The following CEP250 variants were observed in gnomAD, a reference collection of about 807,000 sequenced individuals.
The protein encoded by CEP250 is centrosomal protein 250.
A neutral mutation model predicts 315.7 loss-of-function variants in CEP250; 242 were observed. That is an observed-to-expected ratio of 0.77 (90% CI 0.69 to 0.85). The LOEUF is 0.85. Among genes scored for constraint, CEP250 ranks in the 40% least tolerant of loss-of-function variants. The probability of loss-of-function intolerance (pLI) is 0.00; values close to 1 mark genes in which losing one functional copy is unlikely to be tolerated. For synonymous variants in CEP250, 1,088 were observed against 1,175.0 expected, an observed-to-expected ratio of 0.93 and a Z score of 1.51; for missense variants, 2,515 against 2,886.4, an observed-to-expected ratio of 0.87 and a Z score of 2.95.
At chr20:35,458,916 C>G (rs971079339) in intron 2 of CEP250, among the ~76,000 whole-genome samples, 4 of 149,258 alleles carry the variant, frequency 2.7e-5, no homozygotes, top group Non-Finnish European at 4.4e-5. Context: ...TCCTGTATAC[C>G]TTGCACCCAG....
intron 15 of CEP250, 99 bp from the exon 16 acceptor site, chr20:35,476,350 G>A (rs535966946): frequency 8.8e-7 from 1 of 1,137,770 alleles, no homozygotes; most frequent in South Asian, 1.4e-5. Context: ...AGTATTAACT[G>A]ATCTCTGTAC....
intron 30 of CEP250, among the ~76,000 whole-genome samples, chr20:35,505,237 C>T (rs7267050): frequency 0.022 from 3,398 of 152,260 alleles, 142 homozygotes; most frequent in African/African-American, 0.077. Context: ...GGGTAAACAA[C>T]GATAATGCAG....
chr20:35,474,073 C>T (rs1338848552), intron 14 of CEP250, 21 bp downstream of exon 14: 1 of 1,493,324 alleles, frequency 6.7e-7, no homozygotes, highest in African/African-American at 1.4e-5. Flanking sequence ...CTAGTCTCCT[C>T]CTCGCTGGGC....
rs914604278 is a variant in CEP250, at chr20:35,511,916, C to T, written c.*290C>T. The T allele has an allele frequency of 1.7e-5, 20 of 1,203,268 alleles. No individual in the cohort carries two copies. Among genetic ancestry groups the T allele is most frequent in the Middle Eastern group, 3.2e-4 (1 of 3,086 alleles). The allele number at this position is 1,203,268 out of a possible 1,614,324, so 74.5% of individuals were successfully genotyped here. On this transcript the variant is annotated 3_prime_UTR_variant, in exon 35 of 35. Transcript: ENST00000397527. ...TCTCATCTAGAATTTATTTTCCTAG[C>T]ACTTCACCACCTCCTTCATCTTCTC... is the stretch of plus-strand genomic sequence containing the variant.
chr20:35,480,840 A>G (rs2063327180), intron 20 of CEP250, among the ~76,000 whole-genome samples: 1 of 151,978 alleles, frequency 6.6e-6, no homozygotes, highest in African/African-American at 2.4e-5. Context: ...CACCTGCCTC[A>G]GCCTCCTAAA....
intron 20 of CEP250, among the ~76,000 whole-genome samples, chr20:35,484,110 C>T (rs2063436007): frequency 6.6e-6 from 1 of 152,116 alleles, no homozygotes; most frequent in Non-Finnish European, 1.5e-5. Flanking sequence ...GGCTCTTACT[C>T]ATGGGCTTGT....
chr20:35,478,114 A>G lies in CEP250; in HGVS notation c.2094+13A>G. The G allele has an allele frequency of 6.5e-7, 1 of 1,535,978 alleles. No homozygotes were observed. Among genetic ancestry groups the G allele is most frequent in the South Asian group, 1.1e-5 (1 of 88,946 alleles). On this transcript the variant is annotated intron_variant, in intron 17 of 34. Coordinates refer to ENST00000397527, the MANE Select transcript of CEP250 (RefSeq NM_007186.6). ...GAAACTAAGTGAGGTGAGAAGCCAA[A>G]ATGGACACCATCATGTCTAGGTGTA...
rs374878358 is a variant in CEP250 at position 35,467,500 on chromosome 20, G to A, written c.796G>A (p.Glu266Lys). 6.2e-6 allele frequency: 10 copies of A among 1,614,048 alleles called. No individual in the cohort carries two copies. The African/African-American group carries it at 1.3e-4, about 22-fold the overall frequency. ...LEKEAHERSQELIQLKSQGDL... is the reference protein window; with the variant it reads ...LEKEAHERSQKLIQLKSQGDL... ...GAAGGAAGCCCATGAAAGGAGCCAG[G>A]AGTTAATACAGCTGAAGAGTCAAGG... The change falls in exon 9 of 35, where the codon GAG becomes AAG. Residue 266 changes from glutamate to lysine, a missense_variant. By Grantham distance (56) the Glu-to-Lys change is moderately conservative. Coordinates refer to ENST00000397527, the MANE Select transcript of CEP250 (RefSeq NM_007186.6).
intron 20 of CEP250, among the ~76,000 whole-genome samples, chr20:35,486,343 G>A (rs899746003): frequency 6.6e-6 from 1 of 152,006 alleles, no homozygotes; most frequent in Non-Finnish European, 1.5e-5. Flanking sequence ...CTGGGCTTAA[G>A]CAATCCTTCT....
upstream of CEP250, chr20:35,455,437 C>T (rs1020030706): frequency 6.6e-6 from 1 of 152,300 alleles, no homozygotes; most frequent in African/African-American, 2.4e-5. Context: ...TTGCTGCCGC[C>T]AGCACGCTAA....
At chr20:35,501,571 T>A (rs1054398740) in intron 28 of CEP250, among the ~76,000 whole-genome samples, 1 of 152,028 alleles carries the variant, frequency 6.6e-6, no homozygotes, top group African/African-American at 2.4e-5. Flanking sequence ...GGGCCAAGGC[T>A]CTCTGTGATG....
rs1353603951 is a variant in CEP250, at chr20:35,513,658, G to A, written c.*2032G>A. 1 of 152,216 alleles carries A rather than the reference G, an allele frequency of 6.6e-6. No homozygotes were observed. Among genetic ancestry groups the A allele is most frequent in the Non-Finnish European group, 1.5e-5 (1 of 68,044 alleles). The allele number at this position is 152,216 out of a possible 1,614,324, so 9.4% of individuals were successfully genotyped here. On this transcript the variant is annotated 3_prime_UTR_variant, in exon 35 of 35. Transcript: ENST00000397527. ...CCTGGTTCTCAGGCTCGGGCTGACA[G>A]AGGGTCCCTGTTTTTTACCTTAGAG...
chr20:35,479,503 A>C, intron 18 of CEP250, 79 bp downstream of exon 18: 1 of 1,542,166 alleles, frequency 6.5e-7, no homozygotes. Flanking sequence ...CCCTGCCATA[A>C]GTATGCAGGT....
In CEP250 at chr20:35,476,461, A is replaced by C. The variant is rs775044379; in HGVS notation, c.1729A>C (p.Ile577Leu). ...TAALARAEQS[I>L]AELSSSENTL... The stretch of plus-strand genomic sequence containing the variant: ...TTTTGTTTTTTAGGCAGAGCAGTCA[A>C]TTGCAGAGCTGTCGAGTTCTGAAAA... Residue 577 changes from isoleucine (I) to leucine (L), a missense_variant, in exon 16 of 35, where the codon ATT becomes CTT. By Grantham distance (5) the Ile-to-Leu change is conservative. Transcript: ENST00000397527. 8.7e-6 allele frequency: 14 copies of C among 1,613,420 alleles called. No individual in the cohort carries two copies. The highest frequency in any genetic ancestry group is 3.3e-4 in the Middle Eastern group (2 of 6,062).
chr20:35,469,726 TG>T (rs1464144470), intron 9 of CEP250, 163 bp from the exon 10 acceptor site: 18 of 490,478 alleles, frequency 3.7e-5, no homozygotes, highest in Non-Finnish European at 6.1e-5. Context: ...TATAGCATCA[TG>T]TGGTATTCAG....
chr20:35,501,668 C>T (rs2064007058), intron 28 of CEP250, among the ~76,000 whole-genome samples, 177 bp from the exon 29 acceptor site: 2 of 152,148 alleles, frequency 1.3e-5, no homozygotes, highest in South Asian at 2.1e-4. Context: ...AAGCAGCTGG[C>T]ATCTGCCAGC....
At position 35,493,432 on chromosome 20, in the gene CEP250, A is replaced by G. The variant is rs1225646652; in HGVS notation, c.2893A>G (p.Thr965Ala). 1.3e-6 allele frequency: 2 copies of G among 1,585,958 alleles called. No homozygotes were observed. The highest frequency in any genetic ancestry group is 1.7e-6 in the Non-Finnish European group (2 of 1,168,702). ...MKVQKLKEQE[T>A]TGILQTQLQE... ...ATGATTTCTTATCCCTCTTCAGGAG[A>G]CCACTGGGATACTACAGACCCAGCT... The change falls in exon 23 of 35, where the codon ACC (threonine) becomes GCC (alanine). Residue 965 changes from threonine (T) to alanine (A), a missense_variant. By Grantham distance (58) the Thr-to-Ala change is moderately conservative (BLOSUM62 0). Coordinates refer to ENST00000397527, the MANE Select transcript of CEP250 (RefSeq NM_007186.6).
chr20:35,506,416 A>C (rs2064186378), intron 30 of CEP250, among the ~76,000 whole-genome samples: 2 of 152,214 alleles, frequency 1.3e-5, no homozygotes. Context: ...ACCGTGTCTT[A>C]GTCACCTTTG....
At chr20:35,483,954 G>C (rs984669183) in intron 20 of CEP250, among the ~76,000 whole-genome samples, 1 of 150,558 alleles carries the variant, frequency 6.6e-6, no homozygotes, top group Non-Finnish European at 1.5e-5. Flanking sequence ...ATATCTTCTT[G>C]GTCATTTTTT....
Sources: gnomAD v4.1 joint callset for allele counts (sites outside exome capture counted in the v4.1 genomes callset) on GRCh38, gnomAD v4.1.1 for gene constraint, MANE v1.5 for transcripts, NCBI Gene and HGNC (gene_info 2026-07-23, HGNC 2026-07-21) for gene names.